EFCAB6: variants seen among roughly 807,000 people sequenced by gnomAD.
The protein encoded by EFCAB6 is EF-hand calcium-binding domain-containing protein 6.
In EFCAB6, 156 loss-of-function variants were observed where a neutral mutation model predicts 169.8. That is an observed-to-expected ratio of 0.92 (90% confidence interval 0.81 to 1.05). The LOEUF is 1.05. Among genes scored for constraint, EFCAB6 ranks in the 50% least tolerant of loss-of-function variants. The pLI is 0.00. For missense variants in EFCAB6, 1,800 were observed against 1,829.1 expected, an observed-to-expected ratio of 0.98 and a Z score of 0.29; for synonymous variants, 698 against 676.4, an observed-to-expected ratio of 1.03 and a Z score of -0.50.
rs571706659 is a variant in EFCAB6 at position 43,637,402 on chromosome 22, C to A, written c.1984-2186G>T. ...GGGAAGAGGACCAGGGAGCTGGCCC[C>A]TGTGGCTTATTCTCCCTTTCACTGT... is the stretch of plus-strand genomic sequence containing the variant. On this transcript the variant is annotated intron_variant, in intron 17 of 31. Transcript: ENST00000262726. 2.6e-5 allele frequency among the ~76,000 whole-genome samples: 4 copies of A among 152,350 alleles called. No individual in the cohort carries two copies. In the East Asian group the frequency reaches 7.7e-4, roughly 29 times the overall value.
chr22:43,728,109 T>C (rs930139704), intron 8 of EFCAB6, among the ~76,000 whole-genome samples: 3 of 151,772 alleles, frequency 2.0e-5, no homozygotes, highest in Admixed American at 6.6e-5. Flanking sequence ...TTCCCCTCCC[T>C]ATGTCCATGT....
At chr22:43,757,442 G>T (rs1224416964) in intron 5 of EFCAB6, among the ~76,000 whole-genome samples, 1 of 152,136 alleles carries the variant, frequency 6.6e-6, no homozygotes, top group African/African-American at 2.4e-5. Flanking sequence ...AACTACTTAG[G>T]AGGCTGAGGC....
intron 17 of EFCAB6, among the ~76,000 whole-genome samples, chr22:43,647,314 G>A (rs1399562178): frequency 6.6e-6 from 1 of 152,058 alleles, no homozygotes; most frequent in Non-Finnish European, 1.5e-5. Context: ...CATTGTAATG[G>A]CAAAATATGG....
chr22:43,747,597 A>G (rs1320692118), intron 6 of EFCAB6, among the ~76,000 whole-genome samples: 1 of 152,190 alleles, frequency 6.6e-6, no homozygotes, highest in East Asian at 1.9e-4. Flanking sequence ...GGGAGTGCCT[A>G]CGTCCTCCCC....
At chr22:43,761,966 T>A (rs2061178121) in intron 5 of EFCAB6, among the ~76,000 whole-genome samples, 1 of 152,242 alleles carries the variant, frequency 6.6e-6, no homozygotes, top group Non-Finnish European at 1.5e-5. Context: ...ATATGTTTTT[T>A]AAGATTTTTT....
At chr22:43,804,724 A>G (rs2062848446) in intron 2 of EFCAB6, among the ~76,000 whole-genome samples, 2 of 149,924 alleles carry the variant, frequency 1.3e-5, no homozygotes, top group Non-Finnish European at 2.9e-5. Context: ...TGATCCTGCT[A>G]CTGCACTTCA....
chr22:43,555,849 GGGA>G (rs1056875726), intron 26 of EFCAB6, among the ~76,000 whole-genome samples: 1 of 152,222 alleles, frequency 6.6e-6, no homozygotes, highest in African/African-American at 2.4e-5. Flanking sequence ...GAGATTTCCT[GGGA>G]GGAGGAGGAA....
intron 5 of EFCAB6, among the ~76,000 whole-genome samples, chr22:43,764,048 C>T (rs2061249315): frequency 6.6e-6 from 1 of 152,086 alleles, no homozygotes; most frequent in Admixed American, 6.5e-5. Context: ...TAGTGTGAAC[C>T]ACCACGCCCA....
rs548004628 is a variant in EFCAB6 at position 43,711,558 on chromosome 22, G to A, written c.948C>T (p.Tyr316=). ...LSAGDPCKGG[Y]VSFNYLKIVL... is the part of the protein sequence containing the mutation. ...CAATCTTTAGATAATTAAAAGACAC[G>A]TAGCCACCTTTACAGGGGTCCCCTG... Residue 316 remains tyrosine (Y), a synonymous_variant, in exon 10 of 32, where the codon TAC becomes TAT. Coordinates refer to ENST00000262726, the MANE Select transcript of EFCAB6 (RefSeq NM_022785.4). The A allele has an allele frequency of 2.4e-5, 39 of 1,604,596 alleles. No individual in the cohort carries two copies. The highest frequency in any genetic ancestry group is 6.7e-5 in the East Asian group (3 of 44,590).
At chr22:43,747,402 G>A (rs1481684740) in intron 6 of EFCAB6, among the ~76,000 whole-genome samples, 2 of 152,158 alleles carry the variant, frequency 1.3e-5, no homozygotes, top group Non-Finnish European at 2.9e-5. Flanking sequence ...GAGAAGCTGG[G>A]GCCGGCTCTG....
chr22:43,696,730 C>T (rs559734479), intron 10 of EFCAB6, among the ~76,000 whole-genome samples: 238 of 152,210 alleles, frequency 1.6e-3, no homozygotes, highest in Non-Finnish European at 3.0e-3. Context: ...TTTATGAGAA[C>T]ACTTAGAAAA....
intron 10 of EFCAB6, among the ~76,000 whole-genome samples, chr22:43,688,024 G>C (rs1387137451): frequency 1.3e-5 from 2 of 152,136 alleles, no homozygotes; most frequent in African/African-American, 2.4e-5. Context: ...TCTGGAGATG[G>C]AGCAACTCTC....
chr22:43,548,949 A>G (rs1162961287), intron 27 of EFCAB6, among the ~76,000 whole-genome samples: 1 of 152,202 alleles, frequency 6.6e-6, no homozygotes, highest in Non-Finnish European at 1.5e-5. Flanking sequence ...TCTGATTAAA[A>G]TGGAGTTAAT....
rs939053256 is a variant in EFCAB6 at position 43,676,978 on chromosome 22, C to T, written c.1419+1018G>A. ...TCACCTTTAGGGAAATAGTGCATCT[C>T]GTGATATTACTGGTTTGATTTTGAT... On this transcript the variant is annotated intron_variant, in intron 13 of 31. Coordinates refer to ENST00000262726, the MANE Select transcript of EFCAB6 (RefSeq NM_022785.4). Among the ~76,000 whole-genome samples the T allele has an allele frequency of 2.6e-5, 4 of 152,104 alleles. No individual in the cohort carries two copies. The East Asian group carries it at 5.8e-4, about 22-fold the overall frequency.
intron 4 of EFCAB6, among the ~76,000 whole-genome samples, chr22:43,771,145 A>G (rs1404911178): frequency 6.6e-6 from 1 of 152,150 alleles, no homozygotes; most frequent in Admixed American, 6.5e-5. Context: ...GAACTAATGA[A>G]TGAGGCCAGG....
intron 16 of EFCAB6, among the ~76,000 whole-genome samples, chr22:43,668,350 A>G (rs1181250356): frequency 6.6e-6 from 1 of 152,230 alleles, no homozygotes; most frequent in Non-Finnish European, 1.5e-5. Context: ...AAGAAGAGCT[A>G]GAATATTCAT....
chr22:43,623,292 A>C (rs371321331), intron 20 of EFCAB6, among the ~76,000 whole-genome samples: 9 of 152,328 alleles, frequency 5.9e-5, no homozygotes, highest in Admixed American at 6.5e-5. Flanking sequence ...TTGTGCATTA[A>C]AATGTACTCC....
intron 23 of EFCAB6, among the ~76,000 whole-genome samples, chr22:43,594,275 CA>C (rs750560174): frequency 0.26 from 21,347 of 81,514 alleles, 2,007 homozygotes; most frequent in African/African-American, 0.35. Context: ...AACTCTGTTT[CA>C]AAAAAAAAAA....
chr22:43,783,563 A>G (rs1285448601), intron 2 of EFCAB6, among the ~76,000 whole-genome samples: 1 of 152,238 alleles, frequency 6.6e-6, no homozygotes, highest in Non-Finnish European at 1.5e-5. Context: ...TACTGTTCCC[A>G]GGCATTTACG....
Sources: allele counts gnomAD v4.1 joint callset (sites outside exome capture counted in the v4.1 genomes callset), GRCh38; gene constraint gnomAD v4.1.1; transcripts MANE v1.5; gene names NCBI Gene and HGNC (gene_info 2026-07-23, HGNC 2026-07-21).